GRID2: variants seen among roughly 807,000 people sequenced by gnomAD.
The protein encoded by GRID2 is glutamate ionotropic receptor delta type subunit 2.
GRID2 carries 33 observed loss-of-function variants against 114.8 expected under a neutral mutation model. The ratio of observed to expected loss-of-function variants is 0.29; its 90% confidence interval spans 0.22 to 0.38. The LOEUF is 0.38. Among genes scored for constraint, GRID2 ranks in the 10% least tolerant of loss-of-function variants. GRID2 has a pLI of 1.00. For missense variants in GRID2, 1,184 were observed against 1,257.7 expected (o/e 0.94, Z 0.89); for synonymous variants, 505 against 449.9 (o/e 1.12, Z -1.55).
intron 8 of GRID2, among the ~76,000 whole-genome samples, chr4:93,246,247 T>C (rs1748187830): frequency 6.6e-6 from 1 of 152,078 alleles, no homozygotes; most frequent in Non-Finnish European, 1.5e-5. Context: ...GTTCCAGCAA[T>C]GAATTGTGTC....
At chr4:93,768,089 T>A (rs1385940561) in intron 14 of GRID2, among the ~76,000 whole-genome samples, 1 of 152,174 alleles carries the variant, frequency 6.6e-6, no homozygotes, top group Admixed American at 6.5e-5. Context: ...TACGCAAGGC[T>A]GTATACACCC....
chr4:92,650,256 CCTT>C (rs1008784128), intron 2 of GRID2, among the ~76,000 whole-genome samples: 10 of 152,086 alleles, frequency 6.6e-5, no homozygotes, highest in African/African-American at 2.2e-4. Flanking sequence ...TTTATAACGA[CCTT>C]CTTCTACTAC....
intron 2 of GRID2, among the ~76,000 whole-genome samples, chr4:93,068,053 C>A (rs1221849397): frequency 6.6e-6 from 1 of 151,908 alleles, no homozygotes; most frequent in Non-Finnish European, 1.5e-5. Flanking sequence ...TTGGGCATAT[C>A]CTTAATAGTT....
chr4:93,360,304 A>G (rs192082111), intron 8 of GRID2, among the ~76,000 whole-genome samples: 210 of 151,974 alleles, frequency 1.4e-3, no homozygotes, highest in African/African-American at 4.7e-3. Context: ...TCCATTCTCT[A>G]TCTTGCGAAA....
At chr4:92,499,224 T>C (rs1723551751) in intron 1 of GRID2, among the ~76,000 whole-genome samples, 1 of 152,080 alleles carries the variant, frequency 6.6e-6, no homozygotes, top group Non-Finnish European at 1.5e-5. Flanking sequence ...TTCCTTATAT[T>C]AATAATCAAA....
Position 93,503,324 on chromosome 4 carries a change from C to A in GRID2, c.1998-11892C>A, listed in dbSNP as rs574854103. ...CTCCTACTAAAAAATAAGGCAAATT[C>A]TTTTTATTTTATTATTATACTTTAA... On this transcript the variant is annotated intron_variant, in intron 12 of 15. Coordinates refer to ENST00000282020, the MANE Select transcript of GRID2 (RefSeq NM_001510.4). Among the ~76,000 whole-genome samples the A allele has an allele frequency of 5.3e-5, 8 of 152,010 alleles. No homozygotes were observed. The East Asian group carries it at 1.6e-3, about 30-fold the overall frequency.
intron 13 of GRID2, among the ~76,000 whole-genome samples, chr4:93,540,523 G>A (rs1204350177): frequency 2.0e-5 from 3 of 152,118 alleles, no homozygotes; most frequent in African/African-American, 7.2e-5. Flanking sequence ...AAAAAGAAAA[G>A]CAGGTTGTGA....
chr4:92,933,492 G>A (rs1372153023), intron 2 of GRID2, among the ~76,000 whole-genome samples: 1 of 151,490 alleles, frequency 6.6e-6, no homozygotes, highest in Admixed American at 6.6e-5. Flanking sequence ...GGGCTAATAA[G>A]ATTTAAGACT....
rs62310990 is a variant in GRID2, at chr4:92,304,923, C to G, written c.88+179C>G. The stretch of plus-strand genomic sequence containing the variant: ...AGTTTTCTGAAAGGATGTGGATGCT[C>G]GAACCTCGACTGACTTGTGCTGTTG... On this transcript the variant is annotated intron_variant, in intron 1 of 15. Coordinates refer to ENST00000282020, the MANE Select transcript of GRID2 (RefSeq NM_001510.4). Among the ~76,000 whole-genome samples the G allele has an allele frequency of 0.068, 10,384 of 152,122 alleles. 390 individuals carry two copies. The highest frequency in any genetic ancestry group is 0.14 in the Middle Eastern group (40 of 294).
chr4:92,937,414 A>T (rs1040383933), intron 2 of GRID2, among the ~76,000 whole-genome samples: 1 of 146,648 alleles, frequency 6.8e-6, no homozygotes, highest in African/African-American at 2.4e-5. Flanking sequence ...GTGGATTTCC[A>T]GTTGTTCCAG....
intron 1 of GRID2, among the ~76,000 whole-genome samples, chr4:92,444,020 A>G (rs1733290212): frequency 6.6e-6 from 1 of 152,148 alleles, no homozygotes; most frequent in Non-Finnish European, 1.5e-5. Flanking sequence ...GGACAGTGAG[A>G]GAGATTGGAG....
At chr4:93,355,567 C>T (rs549533485) in intron 8 of GRID2, among the ~76,000 whole-genome samples, 5 of 152,180 alleles carry the variant, frequency 3.3e-5, no homozygotes, top group Admixed American at 6.6e-5. Context: ...GGCACAGCAT[C>T]ATTTCTGCTA....
chr4:93,673,446 A>C (rs939639130), intron 14 of GRID2, among the ~76,000 whole-genome samples: 3 of 152,228 alleles, frequency 2.0e-5, no homozygotes, highest in Non-Finnish European at 2.9e-5. Context: ...ACATTTGTAC[A>C]GGGCCTTTTT....
At chr4:92,650,170 T>C (rs1210173217) in intron 2 of GRID2, among the ~76,000 whole-genome samples, 3 of 152,058 alleles carry the variant, frequency 2.0e-5, no homozygotes, top group Non-Finnish European at 4.4e-5. Context: ...AACATATTTA[T>C]AACAAAATAA....
At chr4:92,513,436 A>T (rs1402424231) in intron 1 of GRID2, among the ~76,000 whole-genome samples, 1 of 151,850 alleles carries the variant, frequency 6.6e-6, no homozygotes, top group Non-Finnish European at 1.5e-5. Context: ...TTCTTGTTTC[A>T]AAGGTTTCAA....
chr4:93,156,842 C>T (rs926638125), intron 4 of GRID2, among the ~76,000 whole-genome samples: 54 of 151,696 alleles, frequency 3.6e-4, no homozygotes, highest in African/African-American at 1.1e-3. Context: ...AAAGGACTAA[C>T]TGTGGACAAG....
chr4:93,192,164 T>G (rs1439753399), intron 4 of GRID2, among the ~76,000 whole-genome samples: 1 of 152,158 alleles, frequency 6.6e-6, no homozygotes, highest in East Asian at 1.9e-4. Flanking sequence ...ATCCATAACC[T>G]TACTAACACT....
intron 8 of GRID2, among the ~76,000 whole-genome samples, chr4:93,307,044 A>G (rs1755499549): frequency 1.3e-5 from 2 of 151,934 alleles, no homozygotes; most frequent in Admixed American, 1.3e-4. Context: ...AAAAATACAA[A>G]AATTAGCTGG....
intron 2 of GRID2, among the ~76,000 whole-genome samples, chr4:92,896,066 G>A (rs1217809748): frequency 6.6e-6 from 1 of 152,158 alleles, no homozygotes; most frequent in African/African-American, 2.4e-5. Flanking sequence ...ACTTTAGTAC[G>A]TAAATTCCAT....
Sources: gnomAD v4.1 joint callset for allele counts (sites outside exome capture counted in the v4.1 genomes callset) on GRCh38, gnomAD v4.1.1 for gene constraint, MANE v1.5 for transcripts, NCBI Gene and HGNC (gene_info 2026-07-23, HGNC 2026-07-21) for gene names.